The following RBM6 variants were observed in gnomAD, a reference collection of about 807,000 sequenced individuals.
RBM6 encodes the protein RNA binding motif protein 6.
Under a neutral mutation model 140.4 loss-of-function variants are expected in RBM6, and 23 were observed. The observed-to-expected ratio is 0.16, with a 90% confidence interval of 0.12 to 0.23. The LOEUF is 0.23. Ranked by LOEUF, RBM6 falls within the 10% of genes least tolerant of loss-of-function variation. RBM6 has a pLI of 1.00. For synonymous variants in RBM6, 439 were observed against 475.6 expected (o/e 0.92, Z 1.00); for missense variants, 1,139 against 1,386.7 (o/e 0.82, Z 2.84).
chr3:50,006,343 C>T (rs1029991217), intron 6 of RBM6, among the ~76,000 whole-genome samples: 7 of 151,808 alleles, frequency 4.6e-5, no homozygotes, highest in Non-Finnish European at 8.8e-5. Flanking sequence ...ACCATGTTGG[C>T]CAGGCTGGTC....
At position 50,013,964 on chromosome 3, in the gene RBM6, C is replaced by A. The variant is rs181958483; in HGVS notation, c.1557+14451C>A. Among the ~76,000 whole-genome samples the A allele has an allele frequency of 1.1e-4, 16 of 152,174 alleles. No individual in the cohort carries two copies. The East Asian group carries it at 2.7e-3, about 26-fold the overall frequency. The stretch of plus-strand genomic sequence containing the variant: ...TGCTACTGGTATCTAGTGAATAGAG[C>A]CAGGGATGCTGCTAAACATCCTACA... On this transcript the variant is annotated intron_variant, in intron 6 of 20. Transcript: ENST00000266022.
At chr3:49,940,509 C>A (rs1376821883) in intron 1 of RBM6, 1 of 155,150 alleles carries the variant, frequency 6.4e-6, no homozygotes, top group Non-Finnish European at 1.5e-5. Context: ...AGGCTGGGGC[C>A]GGCGCGTGGT....
intron 15 of RBM6, among the ~76,000 whole-genome samples, chr3:50,062,944 A>G (rs1336907221): frequency 1.9e-4 from 25 of 134,604 alleles, no homozygotes; most frequent in Non-Finnish European, 3.4e-4. Context: ...CCCAGGTTGG[A>G]GTGCAGTGGC....
chr3:50,061,483 A>T lies in RBM6; in HGVS notation c.2375A>T (p.Tyr792Phe), dbSNP rs1211818084. 2 of 1,601,568 alleles carry T rather than the reference A, an allele frequency of 1.2e-6. No individual in the cohort carries two copies. The highest frequency in any genetic ancestry group is 4.5e-5 in the East Asian group (2 of 44,306). ...TTAGCATCATCTGACTGCTACATAT[A>T]TGATTCTGCTACTGGCTACTATTAT... ...GQQSSSDCYI[Y>F]DSATGYYYDP... Residue 792 changes from tyrosine (Y) to phenylalanine (F), a missense_variant, in exon 14 of 21, where the codon TAT becomes TTT. Transcript: ENST00000266022.
intron 6 of RBM6, among the ~76,000 whole-genome samples, chr3:50,044,249 A>G (rs1003621616): frequency 3.9e-5 from 6 of 152,146 alleles, no homozygotes; most frequent in African/African-American, 1.2e-4. Flanking sequence ...TTGCTTGAGT[A>G]GCTTAATAAC....
In RBM6 at chr3:49,969,956, T is replaced by C. The variant is rs150136291; in HGVS notation, c.1323+1208T>C. On this transcript the variant is annotated intron_variant, in intron 3 of 20. Coordinates refer to ENST00000266022, the MANE Select transcript of RBM6 (RefSeq NM_005777.3). ...GTTAGTTGTGTTTTTTTTTTTCTTTTTTGAGATGGAGCCTCACCGTGTTGC... is the reference window on the plus strand; with the variant it reads ...GTTAGTTGTGTTTTTTTTTTTCTTTCTTGAGATGGAGCCTCACCGTGTTGC... 9.2e-5 allele frequency among the ~76,000 whole-genome samples: 14 copies of C among 152,126 alleles called. No homozygotes were observed. In the East Asian group the frequency reaches 2.5e-3, roughly 27 times the overall value.
intron 15 of RBM6, 124 bp downstream of exon 15, chr3:50,062,232 T>C (rs2089967686): frequency 1.3e-5 from 16 of 1,204,102 alleles, no homozygotes; most frequent in Admixed American, 2.8e-5. Context: ...CAGCCGGGCG[T>C]GGTGGCTAAC....
chr3:50,015,462 G>A (rs1177110240), intron 6 of RBM6, among the ~76,000 whole-genome samples: 3 of 146,070 alleles, frequency 2.1e-5, no homozygotes, highest in South Asian at 2.1e-4. Flanking sequence ...ATGGAGCCTC[G>A]CTCTGTTGCC....
chr3:50,019,591 G>A (rs2087372497), intron 6 of RBM6, among the ~76,000 whole-genome samples: 2 of 152,002 alleles, frequency 1.3e-5, no homozygotes, highest in African/African-American at 4.8e-5. Flanking sequence ...TTGGGCCCAG[G>A]TGATCCTCCC....
At chr3:50,023,418 G>T (rs1291135873) in intron 6 of RBM6, among the ~76,000 whole-genome samples, 1 of 151,992 alleles carries the variant, frequency 6.6e-6, no homozygotes, top group African/African-American at 2.4e-5. Flanking sequence ...CTATTCTCCT[G>T]TTTCAGCATC....
intron 1 of RBM6, among the ~76,000 whole-genome samples, chr3:49,958,473 G>A (rs1450099094): frequency 4.0e-5 from 6 of 151,768 alleles, no homozygotes; most frequent in Non-Finnish European, 8.8e-5. Flanking sequence ...CTACTCGGGA[G>A]GCTGAGGCAG....
intron 6 of RBM6, among the ~76,000 whole-genome samples, chr3:50,030,338 AGCAT>A (rs991565197): frequency 6.6e-6 from 1 of 151,312 alleles, no homozygotes; most frequent in African/African-American, 2.4e-5. Context: ...ACAGATACAA[AGCAT>A]GTAGAAGAGG....
chr3:50,062,771 T>C (rs918773820), intron 15 of RBM6, among the ~76,000 whole-genome samples: 1 of 152,152 alleles, frequency 6.6e-6, no homozygotes, highest in African/African-American at 2.4e-5. Context: ...ATTTTTTCCA[T>C]GTTTCTATAT....
At chr3:50,021,153 A>T (rs2087457081) in intron 6 of RBM6, among the ~76,000 whole-genome samples, 1 of 152,190 alleles carries the variant, frequency 6.6e-6, no homozygotes, top group Admixed American at 6.6e-5. Context: ...GAGAATATGT[A>T]GTTCGCTGTT....
chr3:50,066,145 A>G (rs1028183856), intron 16 of RBM6, 97 bp from the exon 17 acceptor site: 4 of 1,329,126 alleles, frequency 3.0e-6, no homozygotes, highest in African/African-American at 2.9e-5. Context: ...TTTGAACCCA[A>G]TTCAATGAAA....
At chr3:49,991,947 A>T (rs1227427076) in intron 5 of RBM6, among the ~76,000 whole-genome samples, 1 of 136,960 alleles carries the variant, frequency 7.3e-6, no homozygotes, top group Non-Finnish European at 1.5e-5. Flanking sequence ...ATTTTATTTT[A>T]TTTATTTATT....
chr3:49,968,080 G>C lies in RBM6; in HGVS notation c.655G>C (p.Asp219His), dbSNP rs138846313. ...GTCCCGTTCTGATTTTAGGAATAGA[G>C]ATGTATCTGATTTGGACTTTAGAGA... ...EQSRSDFRNR[D>H]VSDLDFRDKD... Residue 219 changes from aspartate (D) to histidine (H), a missense_variant, in exon 3 of 21, where the codon GAT (aspartate) becomes CAT (histidine). Around this residue, in one of 9 missense-constraint regions of RBM6, gnomAD observed 566 missense variants for 612.7 expected, o/e 0.92. Transcript: ENST00000266022. 107 of 1,614,060 alleles carry C rather than the reference G, an allele frequency of 6.6e-5. No individual in the cohort carries two copies. The highest frequency in any genetic ancestry group is 8.9e-5 in the Non-Finnish European group (105 of 1,180,030).
intron 16 of RBM6, among the ~76,000 whole-genome samples, 199 bp downstream of exon 16, chr3:50,065,325 AC>A (rs2090086890): frequency 6.6e-6 from 1 of 152,322 alleles, no homozygotes; most frequent in Admixed American, 6.5e-5. Context: ...TTACTGGAGA[AC>A]CAGAGGCAGT....
intron 6 of RBM6, among the ~76,000 whole-genome samples, chr3:50,007,170 TC>T (rs2086620683): frequency 6.6e-6 from 1 of 151,626 alleles, no homozygotes; most frequent in Non-Finnish European, 1.5e-5. Context: ...GGGGACTCCT[TC>T]CAGCTTCCCT....
Sources: allele counts gnomAD v4.1 joint callset (sites outside exome capture counted in the v4.1 genomes callset), GRCh38; gene constraint gnomAD v4.1.1; regional missense constraint gnomAD v4.1.1; transcripts MANE v1.5; gene names NCBI Gene and HGNC (gene_info 2026-07-23, HGNC 2026-07-21).